The following MYRIP variants were observed in gnomAD, a reference collection of about 807,000 sequenced individuals.
The protein encoded by MYRIP is myosin VIIA and Rab interacting protein.
A neutral mutation model predicts 98.0 loss-of-function variants in MYRIP; 49 were observed. That is an observed-to-expected ratio of 0.50 (90% confidence interval 0.40 to 0.63). The LOEUF (loss-of-function observed/expected upper bound fraction) is 0.63, where lower values mean the gene tolerates loss of function less well. Ranked by LOEUF, MYRIP falls within the 30% of genes least tolerant of loss-of-function variation. MYRIP has a pLI of 0.00. For missense variants in MYRIP, 1,004 were observed against 1,058.2 expected, an observed-to-expected ratio of 0.95 and a Z score of 0.71; for synonymous variants, 404 against 409.5, an observed-to-expected ratio of 0.99 and a Z score of 0.16.
chr3:40,195,273 ACTTTTT>A (rs1951355773), intron 10 of MYRIP, among the ~76,000 whole-genome samples: 1 of 152,078 alleles, frequency 6.6e-6, no homozygotes, highest in African/African-American at 2.4e-5. Context: ...ATGATCATAG[ACTTTTT>A]CTTTTTTATT....
At chr3:40,218,528 C>A (rs1952196421) in intron 11 of MYRIP, among the ~76,000 whole-genome samples, 1 of 147,626 alleles carries the variant, frequency 6.8e-6, no homozygotes. Flanking sequence ...GAACTATATG[C>A]CTTTAAAGGC....
At chr3:40,128,540 T>G (rs1480047810) in intron 3 of MYRIP, among the ~76,000 whole-genome samples, 2 of 152,224 alleles carry the variant, frequency 1.3e-5, no homozygotes, top group Non-Finnish European at 2.9e-5. Context: ...GTATTGCATG[T>G]GTTCCGTGGG....
intron 3 of MYRIP, among the ~76,000 whole-genome samples, chr3:40,133,115 T>C (rs556771818): frequency 2.0e-5 from 3 of 152,318 alleles, no homozygotes; most frequent in African/African-American, 7.2e-5. Flanking sequence ...CCTAGAGTGA[T>C]GGAACTGAAG....
chr3:39,887,583 C>G (rs1241368523), intron 1 of MYRIP, among the ~76,000 whole-genome samples: 4 of 152,104 alleles, frequency 2.6e-5, no homozygotes, highest in African/African-American at 9.7e-5. Context: ...ACTGAATGGG[C>G]AAAAACTGGA....
intron 1 of MYRIP, among the ~76,000 whole-genome samples, chr3:39,880,444 G>A (rs1943130382): frequency 6.6e-6 from 1 of 152,218 alleles, no homozygotes; most frequent in South Asian, 2.1e-4. Context: ...TTTCTAAGGA[G>A]TAGGCATTCT....
chr3:39,837,396 G>A (rs1288859258), intron 1 of MYRIP, among the ~76,000 whole-genome samples: 2 of 152,118 alleles, frequency 1.3e-5, no homozygotes, highest in African/African-American at 4.8e-5. Flanking sequence ...TTTTGTATAA[G>A]GTGTAAGGAA....
chr3:40,156,836 T>G (rs1575582970), intron 4 of MYRIP, among the ~76,000 whole-genome samples: 1 of 152,244 alleles, frequency 6.6e-6, no homozygotes, highest in African/African-American at 2.4e-5. Context: ...TTTTTGTACA[T>G]TGATTTTGTA....
At chr3:40,181,969 G>A (rs1046787400) in intron 8 of MYRIP, among the ~76,000 whole-genome samples, 4 of 152,176 alleles carry the variant, frequency 2.6e-5, no homozygotes, top group African/African-American at 4.8e-5. Context: ...AGAAAGAGCC[G>A]TATGAGAGCT....
intron 2 of MYRIP, among the ~76,000 whole-genome samples, chr3:40,030,112 A>AGAGGG: frequency 6.6e-6 from 1 of 150,858 alleles, no homozygotes. Flanking sequence ...GGAGAGAGGG[A>AGAGGG]GAGGGGAGGG....
chr3:40,133,285 C>T (rs1027175960), intron 3 of MYRIP, among the ~76,000 whole-genome samples: 1 of 152,204 alleles, frequency 6.6e-6, no homozygotes, highest in Non-Finnish European at 1.5e-5. Context: ...AAGAGGTGCT[C>T]ACATCTTAGG....
chr3:40,068,530 T>C (rs1948166500), intron 3 of MYRIP, among the ~76,000 whole-genome samples: 2 of 152,222 alleles, frequency 1.3e-5, no homozygotes, highest in South Asian at 4.1e-4. Flanking sequence ...TATTTAGCCC[T>C]GAAAGCCAAA....
chr3:39,883,092 T>C (rs781156504), intron 1 of MYRIP, among the ~76,000 whole-genome samples: 4 of 152,170 alleles, frequency 2.6e-5, no homozygotes, highest in Non-Finnish European at 5.9e-5. Flanking sequence ...TTGAGGCCAG[T>C]TTTTTCCTCA....
intron 3 of MYRIP, among the ~76,000 whole-genome samples, chr3:40,149,608 G>A (rs1393289907): frequency 1.3e-5 from 2 of 152,156 alleles, no homozygotes; most frequent in East Asian, 3.9e-4. Flanking sequence ...GTGTAGGGAT[G>A]GGGGACCAAG....
chr3:40,178,396 G>A (rs1433295605), intron 8 of MYRIP, among the ~76,000 whole-genome samples: 1 of 152,182 alleles, frequency 6.6e-6, no homozygotes, highest in Non-Finnish European at 1.5e-5. Context: ...CTGCTGGGCT[G>A]GGGCACATTA....
intron 10 of MYRIP, among the ~76,000 whole-genome samples, chr3:40,193,309 T>C (rs1473289427): frequency 6.6e-6 from 1 of 152,132 alleles, no homozygotes; most frequent in Non-Finnish European, 1.5e-5. Flanking sequence ...GTCAGTCTTA[T>C]TTTCACCTTG....
intron 3 of MYRIP, among the ~76,000 whole-genome samples, chr3:40,078,218 C>T (rs1338204767): frequency 6.6e-6 from 1 of 152,194 alleles, no homozygotes; most frequent in Non-Finnish European, 1.5e-5. Flanking sequence ...CTGGCTGCTC[C>T]GAGTGCGGCC....
intron 3 of MYRIP, among the ~76,000 whole-genome samples, chr3:40,058,552 T>C (rs1947931456): frequency 6.6e-6 from 1 of 152,196 alleles, no homozygotes. Context: ...AAGTTTGCTA[T>C]GCAATTATAA....
At chr3:40,198,536 G>A (rs889405500) in intron 10 of MYRIP, among the ~76,000 whole-genome samples, 1 of 152,152 alleles carries the variant, frequency 6.6e-6, no homozygotes, top group East Asian at 1.9e-4. Flanking sequence ...AGTGTTGTGG[G>A]TTTTCATCTT....
intron 2 of MYRIP, among the ~76,000 whole-genome samples, chr3:40,033,181 A>G (rs1947299044): frequency 6.9e-6 from 1 of 145,612 alleles, no homozygotes; most frequent in South Asian, 2.2e-4. Flanking sequence ...GCCCTCTCTC[A>G]CCACTCCTAT....
Sources: allele counts gnomAD v4.1 joint callset (sites outside exome capture counted in the v4.1 genomes callset), GRCh38; gene constraint gnomAD v4.1.1; transcripts MANE v1.5; gene names NCBI Gene and HGNC (gene_info 2026-07-23, HGNC 2026-07-21).